MYO7B: variants seen among roughly 807,000 people sequenced by gnomAD.
MYO7B encodes the protein unconventional myosin-VIIb.
MYO7B carries 212 observed loss-of-function variants against 259.7 expected under a neutral mutation model. That is an observed-to-expected ratio of 0.82 (90% CI 0.73 to 0.91). The LOEUF is 0.91. Among genes scored for constraint, MYO7B ranks in the 40% least tolerant of loss-of-function variants. The pLI is 0.00. For missense variants in MYO7B, 2,732 were observed against 2,813.5 expected (o/e 0.97, Z 0.66); for synonymous variants, 1,197 against 1,166.4 (o/e 1.03, Z -0.54).
chr2:127,542,498 G>A (rs1693043721), intron 1 of MYO7B, among the ~76,000 whole-genome samples: 3 of 152,204 alleles, frequency 2.0e-5, no homozygotes, highest in South Asian at 4.1e-4. Context: ...CTGTCTGGGC[G>A]GGGATGGAAG....
At position 127,609,896 on chromosome 2, in the gene MYO7B, C is replaced by T. The variant is rs201138206; in HGVS notation, c.3072C>T (p.Leu1024=). 32 of 1,611,828 alleles carry T rather than the reference C, an allele frequency of 2.0e-5. No individual in the cohort carries two copies. The highest frequency in any genetic ancestry group is 1.1e-5 in the South Asian group (1 of 90,704). The change falls in exon 24 of 48, where the codon CTC becomes CTT. Residue 1024 remains leucine (L), a synonymous_variant. Coordinates refer to ENST00000409816, the MANE Select transcript of MYO7B (RefSeq NM_001393586.1). This position sits in a 1 kb window ranked among gnomAD's most constrained non-coding sequence, Gnocchi z 6.9. ...WNVILRFMGD[L]PEPVLYARSS... Reference sequence around the variant, plus strand: ...TCATCCTGAGGTTCATGGGTGATCTCCCAGAGCCAGTGCTGTATGCCAGGA... The same window carrying T: ...TCATCCTGAGGTTCATGGGTGATCTTCCAGAGCCAGTGCTGTATGCCAGGA...
chr2:127,630,765 G>A lies in MYO7B; in HGVS notation c.4807-13G>A, dbSNP rs1421742893. 6.2e-6 allele frequency: 10 copies of A among 1,612,314 alleles called. No homozygotes were observed. Among genetic ancestry groups the A allele is most frequent in the Non-Finnish European group, 8.5e-6 (10 of 1,179,730 alleles). Reference sequence around the variant, plus strand: ...GTGGCTCCTGGGCACCCACAGGCCTGTGCCCCCTTCAGAGCTTGCTTGCCA... The same window carrying A: ...GTGGCTCCTGGGCACCCACAGGCCTATGCCCCCTTCAGAGCTTGCTTGCCA... On this transcript the variant is annotated splice_polypyrimidine_tract_variant and intron_variant, in intron 35 of 47. Transcript: ENST00000409816.
In MYO7B at chr2:127,635,742, C is replaced by T. The variant is rs983920419; in HGVS notation, c.5841C>T (p.Arg1947=). 1.7e-5 allele frequency: 27 copies of T among 1,603,968 alleles called. No homozygotes were observed. Among genetic ancestry groups the T allele is most frequent in the Admixed American group, 6.8e-5 (4 of 58,902 alleles). The change falls in exon 44 of 48, where the codon CGC becomes CGT. Residue 1947 remains arginine (R), a synonymous_variant. Coordinates refer to ENST00000409816, the MANE Select transcript of MYO7B (RefSeq NM_001393586.1). ...CCCAGGAGCTGCCCAAGTACCTGCG[C>T]GGATTCCACAAGTGTTCGCGGGAGG... ...HYHQELPKYL[R]GFHKCSREDA...
chr2:127,596,617 C>A (rs1037672474), intron 19 of MYO7B, 61 bp downstream of exon 19: 3 of 1,370,646 alleles, frequency 2.2e-6, no homozygotes, highest in African/African-American at 2.9e-5. Flanking sequence ...CCCACACAGG[C>A]CTGCAGCCCA....
At chr2:127,571,822 T>C (rs572183022) in intron 6 of MYO7B, among the ~76,000 whole-genome samples, 1 of 152,172 alleles carries the variant, frequency 6.6e-6, no homozygotes. Context: ...TGGATACAAG[T>C]CCTTTATAAG....
rs1681002391 is a variant in MYO7B, at chr2:127,624,375, A to G, written c.4047+55A>G. The G allele has an allele frequency of 1.1e-5, 16 of 1,489,314 alleles. 1 individual carries two copies. The South Asian group carries it at 1.6e-4, about 15-fold the overall frequency. 92.3% of individuals were successfully genotyped at this position (1,489,314 alleles called of 1,614,324 possible). ...AGGCTTTGCCATCAGGAAACATCCC[A>G]TAGAGGAGGCACCCAACTGGCTTCT... On this transcript the variant is annotated intron_variant, in intron 30 of 47. Coordinates refer to ENST00000409816, the MANE Select transcript of MYO7B (RefSeq NM_001393586.1).
chr2:127,540,818 T>G (rs1471258820), intron 1 of MYO7B, among the ~76,000 whole-genome samples: 1 of 152,214 alleles, frequency 6.6e-6, no homozygotes, highest in Non-Finnish European at 1.5e-5. Context: ...GAAAAGGCAC[T>G]GATACAGTGA....
intron 10 of MYO7B, 110 bp from the exon 11 acceptor site, chr2:127,581,781 G>T: frequency 6.8e-7 from 1 of 1,478,766 alleles, no homozygotes; most frequent in Admixed American, 1.9e-5. Flanking sequence ...ACCCTCCGGT[G>T]GGCATAGGTG....
At position 127,592,780 on chromosome 2, in the gene MYO7B, G is replaced by C; in HGVS notation, c.1993-14G>C. 1 of 1,604,466 alleles carries C rather than the reference G, an allele frequency of 6.2e-7. No homozygotes were observed. Among genetic ancestry groups the C allele is most frequent in the Non-Finnish European group, 8.5e-7 (1 of 1,176,212 alleles). ...GGGGCTTGCGCTGGGTCAGCGCCCG[G>C]TGTCCGCCCACAGCTGTTCGACCGG... On this transcript the variant is annotated splice_polypyrimidine_tract_variant and intron_variant, in intron 16 of 47. Coordinates refer to ENST00000409816, the MANE Select transcript of MYO7B (RefSeq NM_001393586.1).
In MYO7B at chr2:127,614,189, A is replaced by G. The variant is rs1680489162; in HGVS notation, c.3398+1586A>G. ...ACTTTGGGTTCTTCAGACACCCCCT[A>G]TAGGCACTCCCATACAGTGCTGGTG... On this transcript the variant is annotated intron_variant, in intron 26 of 47. Transcript: ENST00000409816. The surrounding 1 kb of genome is among the most constrained non-coding windows in gnomAD (Gnocchi z 4.6). 6.6e-6 allele frequency among the ~76,000 whole-genome samples: 1 copy of G among 152,152 alleles called. No individual in the cohort carries two copies. Among genetic ancestry groups the G allele is most frequent in the African/African-American group, 2.4e-5 (1 of 41,446 alleles).
intron 4 of MYO7B, 122 bp from the exon 5 acceptor site, chr2:127,566,521 C>A: frequency 1.1e-6 from 1 of 884,452 alleles, no homozygotes; most frequent in Non-Finnish European, 1.6e-6. Context: ...ATTCTACTTC[C>A]CCACCAAAGT....
intron 14 of MYO7B, among the ~76,000 whole-genome samples, chr2:127,587,934 C>G (rs941357614): frequency 2.0e-5 from 3 of 152,174 alleles, no homozygotes; most frequent in Admixed American, 6.5e-5. Context: ...CCTCATTTTA[C>G]TTTAATCCCC....
intron 1 of MYO7B, among the ~76,000 whole-genome samples, chr2:127,551,698 G>A (rs1241546562): frequency 6.6e-6 from 1 of 152,240 alleles, no homozygotes; most frequent in Non-Finnish European, 1.5e-5. Flanking sequence ...CGTGTGGGCT[G>A]TCAGGGTTCC....
chr2:127,576,580 C>A lies in MYO7B; in HGVS notation c.736-15C>A, dbSNP rs752554142. On this transcript the variant is annotated splice_polypyrimidine_tract_variant and intron_variant, in intron 7 of 47. Transcript: ENST00000409816. The surrounding 1 kb of genome is among the most constrained non-coding windows in gnomAD (Gnocchi z 4.9). ...GGCTCATGAATCTGTCTGGAATGCC[C>A]TCCCTCCCTCCCAGGCTCCCGAGGA... 37 of 1,490,086 alleles carry A rather than the reference C, an allele frequency of 2.5e-5. No homozygotes were observed. The highest frequency in any genetic ancestry group is 3.3e-5 in the Non-Finnish European group (36 of 1,079,682). 92.3% of individuals were successfully genotyped at this position (1,490,086 alleles called of 1,614,324 possible). A position where few individuals can be genotyped will look rare whatever the true frequency, so the allele number is the denominator to read the frequency against.
chr2:127,564,531 G>A (rs1014557857), intron 3 of MYO7B, among the ~76,000 whole-genome samples: 9 of 152,228 alleles, frequency 5.9e-5, no homozygotes, highest in Admixed American at 3.9e-4. Context: ...AAAATGAAAC[G>A]GGCAAGGGGG....
chr2:127,620,970 C>T (rs903864071), intron 27 of MYO7B, among the ~76,000 whole-genome samples: 2 of 152,236 alleles, frequency 1.3e-5, no homozygotes, highest in Non-Finnish European at 2.9e-5. Flanking sequence ...GTCACCCCCA[C>T]ACTCAGAGCT....
chr2:127,634,789 G>A (rs1287362488), intron 42 of MYO7B, 106 bp downstream of exon 42: 17 of 1,113,612 alleles, frequency 1.5e-5, no homozygotes, highest in African/African-American at 1.2e-4. Context: ...ATTCGTTCCC[G>A]TGTGTCCCTG....
chr2:127,569,725 G>C lies in MYO7B; in HGVS notation c.471-64G>C, dbSNP rs1464843129. ...AAGCAGGACTGGGGTTTGCAGGAGAGTTGAGAGGTGTTGAAAAAAATAGTC... is the reference window on the plus strand; with the variant it reads ...AAGCAGGACTGGGGTTTGCAGGAGACTTGAGAGGTGTTGAAAAAAATAGTC... On this transcript the variant is annotated intron_variant, in intron 5 of 47. Coordinates refer to ENST00000409816, the MANE Select transcript of MYO7B (RefSeq NM_001393586.1). 1.9e-6 allele frequency: 3 copies of C among 1,557,440 alleles called. No individual in the cohort carries two copies. The African/African-American group carries it at 4.1e-5, about 21-fold the overall frequency.
intron 19 of MYO7B, among the ~76,000 whole-genome samples, chr2:127,599,684 A>G (rs1322005139): frequency 6.6e-6 from 1 of 152,212 alleles, no homozygotes; most frequent in African/African-American, 2.4e-5. Context: ...AAGTCGAGGA[A>G]GCTTCCAATA....
Sources: gnomAD v4.1 joint callset for allele counts (sites outside exome capture counted in the v4.1 genomes callset) on GRCh38, gnomAD v4.1.1 for gene constraint, Gnocchi (gnomAD v3.1) non-coding constraint, MANE v1.5 for transcripts, NCBI Gene and HGNC (gene_info 2026-07-23, HGNC 2026-07-21) for gene names.